EPB41: variants seen among roughly 807,000 people sequenced by gnomAD.
EPB41 encodes the protein protein 4.1.
Under a neutral mutation model 108.0 loss-of-function variants are expected in EPB41, and 65 were observed. The ratio of observed to expected loss-of-function variants is 0.60; its 90% CI spans 0.49 to 0.74. EPB41 has a LOEUF of 0.74. Among genes scored for constraint, EPB41 ranks in the 30% least tolerant of loss-of-function variants. The pLI is 0.00. For missense variants in EPB41, 875 were observed against 1,037.0 expected, an observed-to-expected ratio of 0.84 and a Z score of 2.15; for synonymous variants, 336 against 358.9, an observed-to-expected ratio of 0.94 and a Z score of 0.72.
At chr1:29,088,794 T>C (rs1171173827) in intron 16 of EPB41, among the ~76,000 whole-genome samples, 1 of 152,102 alleles carries the variant, frequency 6.6e-6, no homozygotes, top group East Asian at 1.9e-4. Context: ...GGGTTTGCTG[T>C]GTGTTATTTT....
chr1:29,106,564 A>ACTTTT (rs1233211329), intron 17 of EPB41, among the ~76,000 whole-genome samples: 1 of 50,882 alleles, frequency 2.0e-5, no homozygotes, highest in Non-Finnish European at 3.3e-5. Flanking sequence ...AGTAGCTGGG[A>ACTTTT]TTTTTTTTTT....
At chr1:29,101,160 G>T (rs993132866) in intron 17 of EPB41, among the ~76,000 whole-genome samples, 1 of 151,918 alleles carries the variant, frequency 6.6e-6, no homozygotes, top group Non-Finnish European at 1.5e-5. Flanking sequence ...GGAGGTGGAG[G>T]TTGCAGTGAG....
intron 12 of EPB41, among the ~76,000 whole-genome samples, chr1:29,054,800 C>G (rs1645097257): frequency 6.6e-6 from 1 of 151,932 alleles, no homozygotes; most frequent in African/African-American, 2.4e-5. Context: ...CTTCAGTGCA[C>G]CGAGATCGCC....
intron 1 of EPB41, among the ~76,000 whole-genome samples, chr1:28,984,077 G>C (rs549267908): frequency 3.9e-5 from 6 of 152,230 alleles, no homozygotes; most frequent in Admixed American, 1.3e-4. Flanking sequence ...ATCTCCAGCC[G>C]AATTCTTCTC....
intron 1 of EPB41, among the ~76,000 whole-genome samples, chr1:28,971,543 TAGATTAGCCAATAAC>T (rs2095497142): frequency 6.6e-6 from 1 of 152,198 alleles, no homozygotes; most frequent in Non-Finnish European, 1.5e-5. Context: ...TGAATCAATG[TAGATTAGCCAATAAC>T]AGATTAGAAG....
intron 1 of EPB41, among the ~76,000 whole-genome samples, chr1:28,954,499 G>A (rs2094867886): frequency 6.6e-6 from 1 of 152,178 alleles, no homozygotes; most frequent in African/African-American, 2.4e-5. Flanking sequence ...CAATGTATGT[G>A]TGAGCCAATA....
intron 1 of EPB41, among the ~76,000 whole-genome samples, chr1:28,972,778 T>TC (rs397697860): frequency 5.9e-5 from 9 of 151,392 alleles, no homozygotes; most frequent in African/African-American, 1.5e-4. Flanking sequence ...TTTTTTTTTT[T>TC]CCTTTAGTAG....
intron 18 of EPB41, among the ~76,000 whole-genome samples, chr1:29,110,623 GA>G (rs1668829171): frequency 1.3e-5 from 2 of 152,140 alleles, no homozygotes; most frequent in Admixed American, 6.6e-5. Context: ...AACACTAGAG[GA>G]AAATACTTTT....
intron 1 of EPB41, among the ~76,000 whole-genome samples, chr1:28,931,225 A>G (rs1334052564): frequency 6.6e-6 from 1 of 151,850 alleles, no homozygotes; most frequent in Non-Finnish European, 1.5e-5. Flanking sequence ...ATATGATACC[A>G]CACCTCTACA....
chr1:29,064,583 C>T (rs1384168926), intron 15 of EPB41, among the ~76,000 whole-genome samples: 1 of 152,206 alleles, frequency 6.6e-6, no homozygotes, highest in Non-Finnish European at 1.5e-5. Flanking sequence ...CTGTTGCTAT[C>T]TCCATCCTCC....
chr1:29,059,528 C>T (rs2150915214), intron 14 of EPB41, among the ~76,000 whole-genome samples: 1 of 152,124 alleles, frequency 6.6e-6, no homozygotes, highest in South Asian at 2.1e-4. Context: ...GTAATCCCAG[C>T]ACTTCGGGAG....
chr1:29,030,555 A>G, intron 8 of EPB41, 68 bp downstream of exon 8: 1 of 1,136,996 alleles, frequency 8.8e-7, no homozygotes, highest in Non-Finnish European at 1.3e-6. Flanking sequence ...TCTGTTATGT[A>G]TGTATCACAT....
chr1:29,096,308 G>T, intron 16 of EPB41: 14 of 985,848 alleles, frequency 1.4e-5, no homozygotes, highest in Non-Finnish European at 1.6e-5. Context: ...CTTTGCCTTT[G>T]GCTCCCTCTC....
intron 8 of EPB41, among the ~76,000 whole-genome samples, chr1:29,030,713 G>A (rs547798518): frequency 5.3e-5 from 8 of 151,810 alleles, no homozygotes; most frequent in South Asian, 4.2e-4. Flanking sequence ...GAGATCGAGC[G>A]TACAGTGAGC....
At chr1:28,938,608 C>T (rs1317696271) in intron 1 of EPB41, among the ~76,000 whole-genome samples, 1 of 151,256 alleles carries the variant, frequency 6.6e-6, no homozygotes, top group African/African-American at 2.4e-5. Context: ...TTTTTGCTCA[C>T]TGCAACCTCT....
intron 1 of EPB41, among the ~76,000 whole-genome samples, chr1:28,894,574 G>C (rs1170689993): frequency 6.6e-6 from 1 of 152,140 alleles, no homozygotes; most frequent in Non-Finnish European, 1.5e-5. Flanking sequence ...GGGAGTGACA[G>C]AGCCTCTAGT....
intron 16 of EPB41, among the ~76,000 whole-genome samples, chr1:29,066,991 TA>T (rs1458250131): frequency 2.0e-5 from 3 of 151,642 alleles, no homozygotes; most frequent in Non-Finnish European, 2.9e-5. Flanking sequence ...TTTTTTTTTT[TA>T]AATTTTCAGA....
chr1:28,977,740 G>A lies in EPB41; in HGVS notation c.-7-9691G>A, dbSNP rs192474795. ...TCTTTATATCTTTTCCTCTGTACCC[G>A]TCCTATCATTTGTAACACGAGGAAC... On this transcript the variant is annotated intron_variant, in intron 1 of 20. Transcript: ENST00000343067. 3.8e-3 allele frequency among the ~76,000 whole-genome samples: 572 copies of A among 152,070 alleles called. 5 individuals carry two copies. Among genetic ancestry groups the A allele is most frequent in the African/African-American group, 0.013 (534 of 41,474 alleles).
chr1:28,954,052 A>C (rs2094848189), intron 1 of EPB41, among the ~76,000 whole-genome samples: 1 of 152,218 alleles, frequency 6.6e-6, no homozygotes, highest in Non-Finnish European at 1.5e-5. Flanking sequence ...GATGCCAGTC[A>C]GAGGCCTCTG....
Sources: gnomAD v4.1 joint callset for allele counts (sites outside exome capture counted in the v4.1 genomes callset) on GRCh38, gnomAD v4.1.1 for gene constraint, MANE v1.5 for transcripts, NCBI Gene and HGNC (gene_info 2026-07-23, HGNC 2026-07-21) for gene names.